Variants in CNTNAP3 observed in about 807,000 individuals in gnomAD.
The protein encoded by CNTNAP3 is contactin associated protein family member 3, also known as contactin-associated protein-like 3.
In CNTNAP3, 36 loss-of-function variants were observed where a neutral mutation model predicts 92.1. That is an observed-to-expected ratio of 0.39 (90% CI 0.30 to 0.52). CNTNAP3 has a LOEUF of 0.52. CNTNAP3 is among the 20% of genes least tolerant of loss of function. The pLI, the probability that CNTNAP3 is intolerant of heterozygous loss-of-function variation, is 0.76. For synonymous variants in CNTNAP3, 232 were observed against 422.3 expected (o/e 0.55, Z 5.53); for missense variants, 534 against 1,069.6 (o/e 0.50, Z 6.98).
intron 23 of CNTNAP3, among the ~76,000 whole-genome samples, chr9:39,078,131 C>T (rs1216815108): frequency 3.9e-5 from 6 of 152,294 alleles, no homozygotes; most frequent in East Asian, 3.8e-4. Context: ...CGCTTGAACC[C>T]GGGAGGCAGA....
rs527970633 is a variant in CNTNAP3, at chr9:39,071,237, T to C, written c.*2653A>G. On this transcript the variant is annotated 3_prime_UTR_variant, in exon 24 of 24. Transcript: ENST00000297668. Reference sequence around the variant, plus strand: ...TTTCACAGTAATAGAGACAGAGTAATAGAGACACGGGGTAGAATATGTCAC... The same window carrying C: ...TTTCACAGTAATAGAGACAGAGTAACAGAGACACGGGGTAGAATATGTCAC... Among the ~76,000 whole-genome samples the C allele has an allele frequency of 1.4e-5, 2 of 145,342 alleles. No homozygotes were observed. The highest frequency in any genetic ancestry group is 2.2e-4 in the South Asian group (1 of 4,634).
At chr9:39,132,602 T>C (rs140383354) in intron 13 of CNTNAP3, among the ~76,000 whole-genome samples, 16,703 of 152,022 alleles carry the variant, frequency 0.11, 1,092 homozygotes, top group African/African-American at 0.18. Context: ...TCATGAAGAA[T>C]TGTTAGACCC....
At chr9:39,116,635 A>T (rs2117953991) in intron 14 of CNTNAP3, among the ~76,000 whole-genome samples, 1 of 152,318 alleles carries the variant, frequency 6.6e-6, no homozygotes, top group South Asian at 2.1e-4. Context: ...TTCATTTTTA[A>T]GTAAGAGAAA....
Position 39,149,887 on chromosome 9 carries a change from G to C in CNTNAP3, c.1568C>G (p.Ala523Gly). The change falls in exon 10 of 24, where the codon GCG (alanine) becomes GGG (glycine). Residue 523 changes from alanine to glycine, a missense_variant. Ala to Gly is a moderately conservative substitution (Grantham distance 60). Transcript: ENST00000297668. ...CTGCTGTACTAAGATGGGATCCACC[G>C]CTTTGTCACCAATGGTGATGAGCCT... is the stretch of plus-strand genomic sequence containing the variant. ...CLRLITIGDK[A>G]VDPILVQQGA... is the part of the protein sequence containing the mutation. 1.2e-6 allele frequency: 2 copies of C among 1,606,422 alleles called. No individual in the cohort carries two copies. Among genetic ancestry groups the C allele is most frequent in the Non-Finnish European group, 1.7e-6 (2 of 1,177,356 alleles).
chr9:39,086,519 A>G, intron 20 of CNTNAP3, 197 bp downstream of exon 20: 1 of 725,734 alleles, frequency 1.4e-6, no homozygotes. Flanking sequence ...TTGCTAAACA[A>G]ACAAAACAAA....
chr9:39,125,234 C>T (rs1405390638), intron 13 of CNTNAP3, among the ~76,000 whole-genome samples: 1 of 152,046 alleles, frequency 6.6e-6, no homozygotes, highest in Non-Finnish European at 1.5e-5. Flanking sequence ...TGGAAACCAT[C>T]ATTCTCAGCA....
intron 13 of CNTNAP3, among the ~76,000 whole-genome samples, chr9:39,123,117 T>C (rs1182860937): frequency 7.0e-6 from 1 of 142,448 alleles, no homozygotes; most frequent in Non-Finnish European, 1.5e-5. Context: ...TTTTTTGAGA[T>C]GGAGTCTCTC....
Position 39,217,389 on chromosome 9 carries a change from T to G in CNTNAP3, c.390+21604A>C, listed in dbSNP as rs1320066817. Among the ~76,000 whole-genome samples, 3 of 25,256 alleles carry G rather than the reference T, an allele frequency of 1.2e-4. 1 individual carries two copies. The highest frequency in any genetic ancestry group is 1.9e-4 in the African/African-American group (3 of 15,702). The allele number at this position is 25,256 out of a possible 152,430, so 16.6% of individuals were successfully genotyped here. A position where few individuals can be genotyped will look rare whatever the true frequency, so the allele number is the denominator to read the frequency against. On this transcript the variant is annotated intron_variant, in intron 3 of 23. Coordinates refer to ENST00000297668, the MANE Select transcript of CNTNAP3 (RefSeq NM_033655.5). ...ATATATATATATATATATATATATATATATATATATATTCATTGTGGGAAT... is the reference window on the plus strand; with the variant it reads ...ATATATATATATATATATATATATAGATATATATATATTCATTGTGGGAAT...
intron 15 of CNTNAP3, among the ~76,000 whole-genome samples, chr9:39,104,477 T>TACATACAC (rs1554715573): frequency 8.1e-6 from 1 of 123,108 alleles, no homozygotes; most frequent in African/African-American, 3.1e-5. Flanking sequence ...CACATACACA[T>TACATACAC]ACACACACAC....
Position 39,179,563 on chromosome 9 carries a change from A to G in CNTNAP3, c.539-1203T>C, listed in dbSNP as rs56790321. 9.3e-3 allele frequency among the ~76,000 whole-genome samples: 111 copies of G among 11,926 alleles called. 1 individual carries two copies. Among genetic ancestry groups the G allele is most frequent in the African/African-American group, 0.015 (36 of 2,446 alleles). The allele number at this position is 11,926 out of a possible 152,430, so 7.8% of individuals were successfully genotyped here. On this transcript the variant is annotated intron_variant, in intron 4 of 23. Coordinates refer to ENST00000297668, the MANE Select transcript of CNTNAP3 (RefSeq NM_033655.5). ...TATAAATGTCACATATGTTCAGCTCATCAAAAAACAAGTTGTTTCATTTTA... is the reference window on the plus strand; with the variant it reads ...TATAAATGTCACATATGTTCAGCTCGTCAAAAAACAAGTTGTTTCATTTTA...
In CNTNAP3 at chr9:39,068,505, G is replaced by T. The variant is rs1825561937; in HGVS notation, c.*5385C>A. ...AAAGATGTTTAAAAAGATTCCTTGAGGTCAATAATAATTTTTTAAAGGTTG... is the reference window on the plus strand; with the variant it reads ...AAAGATGTTTAAAAAGATTCCTTGATGTCAATAATAATTTTTTAAAGGTTG... On this transcript the variant is annotated 3_prime_UTR_variant, in exon 24 of 24. Transcript: ENST00000297668. Among the ~76,000 whole-genome samples the T allele has an allele frequency of 1.3e-5, 2 of 152,308 alleles. No individual in the cohort carries two copies. Among genetic ancestry groups the T allele is most frequent in the African/African-American group, 2.4e-5 (1 of 41,488 alleles).
In CNTNAP3 at chr9:39,140,611, T is replaced by G. The variant is rs746040987; in HGVS notation, c.1784A>C (p.His595Pro). 2 of 1,613,222 alleles carry G rather than the reference T, an allele frequency of 1.2e-6. No individual in the cohort carries two copies. The highest frequency in any genetic ancestry group is 2.2e-5 in the South Asian group (2 of 90,934). The change falls in exon 12 of 24, where the codon CAC becomes CCC. Residue 595 changes from histidine to proline, a missense_variant. By Grantham distance (77) the His-to-Pro change is moderately conservative. Coordinates refer to ENST00000297668, the MANE Select transcript of CNTNAP3 (RefSeq NM_033655.5). ...SSLYEQSCEA[H>P]KHRGNPSGLY... is the part of the protein sequence containing the mutation. ...CCCAGACGGGTTCCCTCGGTGCTTG[T>G]GGGCTTCACAAGACTGCTCGTAGAG...
intron 13 of CNTNAP3, among the ~76,000 whole-genome samples, chr9:39,129,915 A>T (rs1374947928): frequency 6.6e-6 from 1 of 152,190 alleles, no homozygotes; most frequent in African/African-American, 2.4e-5. Context: ...ATTATTAGAC[A>T]TCAGGGAGAC....
intron 13 of CNTNAP3, among the ~76,000 whole-genome samples, chr9:39,119,759 A>C (rs1416526559): frequency 3.3e-5 from 5 of 152,184 alleles, no homozygotes; most frequent in Admixed American, 6.5e-5. Flanking sequence ...AAGACAACCG[A>C]AGAGAATTCT....
chr9:39,079,604 A>G (rs1442038310), intron 21 of CNTNAP3, among the ~76,000 whole-genome samples: 2 of 151,424 alleles, frequency 1.3e-5, no homozygotes, highest in East Asian at 1.9e-4. Flanking sequence ...AATTTAGTCC[A>G]TTTGTCTTTA....
At chr9:39,120,238 C>A (rs369481240) in intron 13 of CNTNAP3, among the ~76,000 whole-genome samples, 23 of 152,164 alleles carry the variant, frequency 1.5e-4, no homozygotes, top group African/African-American at 5.3e-4. Context: ...GTAAAAGAAC[C>A]CTAATTTGAA....
chr9:39,069,065 A>G lies in CNTNAP3; in HGVS notation c.*4825T>C, dbSNP rs902385618. Among the ~76,000 whole-genome samples the G allele has an allele frequency of 1.2e-4, 19 of 152,394 alleles. No homozygotes were observed. Among genetic ancestry groups the G allele is most frequent in the African/African-American group, 4.6e-4 (19 of 41,600 alleles). ...ATAACACACATGAATCATATCCTAA[A>G]GATTTGGAACAAGAAGTAAATTTAG... On this transcript the variant is annotated 3_prime_UTR_variant, in exon 24 of 24. Coordinates refer to ENST00000297668, the MANE Select transcript of CNTNAP3 (RefSeq NM_033655.5).
chr9:39,089,443 A>AT (rs551653525), intron 18 of CNTNAP3, among the ~76,000 whole-genome samples: 187 of 152,330 alleles, frequency 1.2e-3, no homozygotes, highest in African/African-American at 4.3e-3. Flanking sequence ...GATGTGCCAC[A>AT]TTTTGCGGAT....
At chr9:39,108,136 A>G (rs779893067) in intron 15 of CNTNAP3, among the ~76,000 whole-genome samples, 7 of 152,028 alleles carry the variant, frequency 4.6e-5, no homozygotes, top group Non-Finnish European at 1.0e-4. Context: ...GGTTCCCCCT[A>G]TCTCCAAATT....
Sources: gnomAD v4.1 joint callset for allele counts (sites outside exome capture counted in the v4.1 genomes callset) on GRCh38, gnomAD v4.1.1 for gene constraint, MANE v1.5 for transcripts, NCBI Gene and HGNC (gene_info 2026-07-23, HGNC 2026-07-21) for gene names.